Variants in ROR1 observed in about 807,000 individuals in gnomAD.
ROR1 encodes the protein ROR family WNT receptor 1, also known as inactive tyrosine-protein kinase transmembrane receptor ROR1.
A neutral mutation model predicts 78.8 loss-of-function variants in ROR1; 19 were observed. That is an observed-to-expected ratio of 0.24 (90% CI 0.17 to 0.35). The LOEUF is 0.35. Among genes scored for constraint, ROR1 ranks in the 10% least tolerant of loss-of-function variants. The pLI is 1.00. For missense variants in ROR1, 917 were observed against 1,177.8 expected (o/e 0.78, Z 3.24); for synonymous variants, 386 against 433.6 (o/e 0.89, Z 1.36).
chr1:63,904,414 T>C (rs1187450468), intron 1 of ROR1, among the ~76,000 whole-genome samples: 2 of 152,128 alleles, frequency 1.3e-5, no homozygotes, highest in Non-Finnish European at 2.9e-5. Context: ...TTCCCCAGGA[T>C]GTAAGGTGGC....
intron 1 of ROR1, among the ~76,000 whole-genome samples, chr1:63,832,274 A>G (rs796396601): frequency 4.6e-5 from 7 of 152,156 alleles, no homozygotes; most frequent in African/African-American, 1.7e-4. Flanking sequence ...ACATTTTCAG[A>G]TATCTCTATA....
At chr1:63,808,929 G>T (rs1418504217) in intron 1 of ROR1, among the ~76,000 whole-genome samples, 1 of 151,852 alleles carries the variant, frequency 6.6e-6, no homozygotes. Context: ...CCAGATTTTG[G>T]GAAGACAAGA....
chr1:64,159,331 A>C, intron 8 of ROR1, 139 bp downstream of exon 8: 1 of 673,278 alleles, frequency 1.5e-6, no homozygotes, highest in Non-Finnish European at 2.6e-6. Context: ...AACCAAATGC[A>C]AAGACGAACT....
chr1:63,854,165 A>G (rs929304439), intron 1 of ROR1, among the ~76,000 whole-genome samples: 7 of 152,208 alleles, frequency 4.6e-5, no homozygotes, highest in Non-Finnish European at 8.8e-5. Context: ...CCTGATTCCA[A>G]TGAATTTTTT....
intron 8 of ROR1, among the ~76,000 whole-genome samples, chr1:64,166,231 T>C (rs1650085816): frequency 6.6e-6 from 1 of 152,242 alleles, no homozygotes; most frequent in South Asian, 2.1e-4. Flanking sequence ...TCTATGTGTC[T>C]GTTTCTGCAC....
intron 1 of ROR1, among the ~76,000 whole-genome samples, chr1:63,902,237 T>C (rs1645490982): frequency 6.6e-6 from 1 of 152,146 alleles, no homozygotes; most frequent in African/African-American, 2.4e-5. Context: ...ATATAATTCA[T>C]AGTTTCATGT....
chr1:63,885,389 T>C (rs1472252633), intron 1 of ROR1, among the ~76,000 whole-genome samples: 1 of 152,078 alleles, frequency 6.6e-6, no homozygotes. Context: ...TTTTCCTTCA[T>C]GGTTTTATCT....
intron 8 of ROR1, among the ~76,000 whole-genome samples, chr1:64,169,403 C>T (rs535314747): frequency 1.0e-3 from 156 of 152,252 alleles, no homozygotes; most frequent in African/African-American, 3.3e-3. Context: ...AGAGCTTGTG[C>T]GGGGAAACTC....
At chr1:64,111,177 G>C (rs1192227290) in intron 4 of ROR1, 1 of 152,122 alleles carries the variant, frequency 6.6e-6, no homozygotes, top group African/African-American at 2.4e-5. Context: ...TTAGGAGCCA[G>C]ACTTAAGAAA....
chr1:63,955,570 T>G lies in ROR1; in HGVS notation c.92-53735T>G, dbSNP rs1021567446. On this transcript the variant is annotated intron_variant, in intron 1 of 8. Transcript: ENST00000371079. ...GCTGAAAGGGGGCGTAAATCAAAGT[T>G]GGAGAAATAAATCCAGCTGCTTCCT... Among the ~76,000 whole-genome samples, 4 of 152,190 alleles carry G rather than the reference T, an allele frequency of 2.6e-5. No homozygotes were observed. The East Asian group carries it at 7.7e-4, about 29-fold the overall frequency.
At chr1:63,819,251 C>CT (rs1296765079) in intron 1 of ROR1, among the ~76,000 whole-genome samples, 1 of 152,172 alleles carries the variant, frequency 6.6e-6, no homozygotes, top group African/African-American at 2.4e-5. Context: ...ATGTTGTTTT[C>CT]TTTTCATGGT....
rs572509612 is a variant in ROR1, at chr1:64,173,119, C to T, written c.1387-4309C>T. On this transcript the variant is annotated intron_variant, in intron 8 of 8. Coordinates refer to ENST00000371079, the MANE Select transcript of ROR1 (RefSeq NM_005012.4). The stretch of plus-strand genomic sequence containing the variant: ...TGCAAATCACTGTGGAAATTGTTCC[C>T]CTGAAACCAAGCTAGGAGCATTTTT... Among the ~76,000 whole-genome samples the T allele has an allele frequency of 3.3e-5, 5 of 152,280 alleles. No individual in the cohort carries two copies. The East Asian group carries it at 9.7e-4, about 29-fold the overall frequency.
intron 1 of ROR1, among the ~76,000 whole-genome samples, chr1:63,850,501 C>G (rs1645107634): frequency 6.6e-6 from 1 of 152,220 alleles, no homozygotes; most frequent in South Asian, 2.1e-4. Context: ...GTTCCCGTTG[C>G]TCTTTACCCT....
At chr1:63,855,889 C>A (rs2100337463) in intron 1 of ROR1, among the ~76,000 whole-genome samples, 1 of 152,044 alleles carries the variant, frequency 6.6e-6, no homozygotes, top group African/African-American at 2.4e-5. Context: ...GATCTCTTGA[C>A]CTCGTGACCC....
chr1:63,938,509 C>G (rs575595790), intron 1 of ROR1, among the ~76,000 whole-genome samples: 3 of 152,180 alleles, frequency 2.0e-5, no homozygotes, highest in Non-Finnish European at 2.9e-5. Context: ...CTCAAGGTCC[C>G]TTGAGGCCTG....
intron 8 of ROR1, among the ~76,000 whole-genome samples, chr1:64,173,729 G>T (rs1650304309): frequency 6.6e-6 from 1 of 152,168 alleles, no homozygotes; most frequent in East Asian, 1.9e-4. Context: ...AATGCAGCTG[G>T]CCTTCTTAGC....
intron 4 of ROR1, among the ~76,000 whole-genome samples, chr1:64,070,220 T>C (rs554508999): frequency 6.6e-6 from 1 of 152,346 alleles, no homozygotes; most frequent in Non-Finnish European, 1.5e-5. Flanking sequence ...GTGACCTGTG[T>C]CTTCCTTGTG....
chr1:64,020,326 A>G (rs1293568673), intron 2 of ROR1, among the ~76,000 whole-genome samples: 2 of 152,198 alleles, frequency 1.3e-5, no homozygotes, highest in African/African-American at 4.8e-5. Flanking sequence ...GCTGAATTGA[A>G]CTTTGTAATA....
chr1:63,958,340 T>TGTAA (rs1161537358), intron 1 of ROR1, among the ~76,000 whole-genome samples: 12 of 152,296 alleles, frequency 7.9e-5, no homozygotes, highest in Non-Finnish European at 8.8e-5. Flanking sequence ...GCCTCCTGTA[T>TGTAA]GCCTGTAATC....
Sources: gnomAD v4.1 joint callset for allele counts (sites outside exome capture counted in the v4.1 genomes callset) on GRCh38, gnomAD v4.1.1 for gene constraint, MANE v1.5 for transcripts, NCBI Gene and HGNC (gene_info 2026-07-23, HGNC 2026-07-21) for gene names.